The following MPIG6B variants were observed in gnomAD, a reference collection of about 807,000 sequenced individuals.
The protein encoded by MPIG6B is megakaryocyte and platelet inhibitory receptor G6b, also known as immunoglobulin receptor.
MPIG6B carries 22 observed loss-of-function variants against 24.2 expected under a neutral mutation model. The ratio of observed to expected loss-of-function variants is 0.91; its 90% CI spans 0.65 to 1.30. MPIG6B has a LOEUF of 1.30. Among genes scored for constraint, MPIG6B ranks in the 50% most tolerant of loss-of-function variants. The pLI, the probability that MPIG6B is intolerant of heterozygous loss-of-function variation, is 0.00. For missense variants in MPIG6B, 301 were observed against 318.5 expected, an observed-to-expected ratio of 0.94 and a Z score of 0.42; for synonymous variants, 136 against 142.0, an observed-to-expected ratio of 0.96 and a Z score of 0.30.
chr6:31,724,947 T>C (rs773426965), intron 5 of MPIG6B, 23 bp from the exon 6 acceptor site: 9 of 1,611,904 alleles, frequency 5.6e-6, no homozygotes, highest in Non-Finnish European at 7.6e-6. Context: ...GACCATCTTG[T>C]CTTCCTCCCC....
chr6:31,723,125 G>A, upstream of MPIG6B: 2 of 564,236 alleles, frequency 3.5e-6, no homozygotes, highest in East Asian at 6.1e-5. This position sits in a 1 kb window ranked among gnomAD's most constrained non-coding sequence, Gnocchi z 4.3. Context: ...TGGGATTACA[G>A]GCGCACCTGA....
In MPIG6B at chr6:31,724,128, C is replaced by G. The variant is rs377294775; in HGVS notation, c.410-14C>G. ...CTGACCTCAGCATCCCTCCCCGCCA[C>G]GCCTTTCCCCCAGGGTCCGTGTATC... On this transcript the variant is annotated splice_polypyrimidine_tract_variant and intron_variant, in intron 2 of 5. Transcript: ENST00000649779. The G allele has an allele frequency of 1.2e-5, 20 of 1,609,858 alleles. No homozygotes were observed. The highest frequency in any genetic ancestry group is 1.7e-5 in the Non-Finnish European group (20 of 1,177,568).
upstream of MPIG6B, among the ~76,000 whole-genome samples, chr6:31,722,611 C>T (rs1806875485): frequency 6.6e-6 from 1 of 152,064 alleles, no homozygotes; most frequent in African/African-American, 2.4e-5. Flanking sequence ...AATCTCAGCA[C>T]TTTGGGAGGC....
At position 31,725,865 on chromosome 6, in the gene MPIG6B, G is replaced by A. The variant is rs1807325276; in HGVS notation, c.*791G>A. On this transcript the variant is annotated 3_prime_UTR_variant, in exon 6 of 6. Coordinates refer to ENST00000649779, the MANE Select transcript of MPIG6B (RefSeq NM_138272.3). The surrounding 1 kb of genome is among the most constrained non-coding windows in gnomAD (Gnocchi z 5.2). ...TTCCACTTAGACATTCTGCCTGACTGACCTCAGGCATTTCGCACTCTGAAT... is the reference window on the plus strand; with the variant it reads ...TTCCACTTAGACATTCTGCCTGACTAACCTCAGGCATTTCGCACTCTGAAT... The A allele has an allele frequency of 6.6e-6, 1 of 152,294 alleles. No homozygotes were observed. The highest frequency in any genetic ancestry group is 1.5e-5 in the Non-Finnish European group (1 of 68,044). 9.4% of individuals were successfully genotyped at this position (152,294 alleles called of 1,614,324 possible).
rs2151297717 is a variant in MPIG6B, at chr6:31,723,511, A to AGGG, written c.61+68_61+70dup. ...TGAAGCAAGATAAGGGCCGCCTAGT[A>AGGG]GGGTGGGTTGTGTGTGGGAAGATCC... is the stretch of plus-strand genomic sequence containing the variant. On this transcript the variant is annotated intron_variant, in intron 1 of 5. Coordinates refer to ENST00000649779, the MANE Select transcript of MPIG6B (RefSeq NM_138272.3). This position sits in a 1 kb window ranked among gnomAD's most constrained non-coding sequence, Gnocchi z 4.3. 2 of 1,497,224 alleles carry AGGG rather than the reference A, an allele frequency of 1.3e-6. No individual in the cohort carries two copies. Among genetic ancestry groups the AGGG allele is most frequent in the Admixed American group, 3.4e-5 (2 of 58,522 alleles). 92.7% of individuals were successfully genotyped at this position (1,497,224 alleles called of 1,614,324 possible).
chr6:31,721,165 C>A, upstream of MPIG6B: 1 of 164,000 alleles, frequency 6.1e-6, no homozygotes, highest in Non-Finnish European at 1.3e-5. Context: ...ACATGTGAGT[C>A]CCTGATGGAG....
upstream of MPIG6B, chr6:31,721,861 T>A (rs1395476540): frequency 1.6e-6 from 1 of 640,732 alleles, no homozygotes. Context: ...AGACAAGGGG[T>A]GGGAAGGCAC....
Position 31,725,330 on chromosome 6 carries a change from C to CTT in MPIG6B, c.*271_*272dup, listed in dbSNP as rs35125371. On this transcript the variant is annotated 3_prime_UTR_variant, in exon 6 of 6. Coordinates refer to ENST00000649779, the MANE Select transcript of MPIG6B (RefSeq NM_138272.3). This position sits in a 1 kb window ranked among gnomAD's most constrained non-coding sequence, Gnocchi z 5.2. Reference sequence around the variant, plus strand: ...TCTATACCCAATCAAGCCCTAGCTCCTTTTTTTTTTTTTTTTGAGACGGAG... The same window carrying CTT: ...TCTATACCCAATCAAGCCCTAGCTCCTTTTTTTTTTTTTTTTTTGAGACGGAG... 3.1e-3 allele frequency: 1,022 copies of CTT among 331,764 alleles called. No individual in the cohort carries two copies. The highest frequency in any genetic ancestry group is 6.2e-3 in the Middle Eastern group (8 of 1,284). 20.6% of individuals were successfully genotyped at this position (331,764 alleles called of 1,614,324 possible).
At chr6:31,724,898 C>CAA (rs28383872) in intron 5 of MPIG6B, 54 bp downstream of exon 5, 184 of 1,305,620 alleles carry the variant, frequency 1.4e-4, no homozygotes, top group Non-Finnish European at 1.6e-4. Context: ...GAAAATGGAC[C>CAA]AAAAAAAAAA....
upstream of MPIG6B, chr6:31,723,191 A>G (rs1174236102): frequency 1.6e-6 from 1 of 629,384 alleles, no homozygotes; most frequent in African/African-American, 1.8e-5. The surrounding 1 kb of genome is among the most constrained non-coding windows in gnomAD (Gnocchi z 4.3). Context: ...ATTTTAAGTG[A>G]GAACCATTTG....
upstream of MPIG6B, among the ~76,000 whole-genome samples, chr6:31,722,102 G>A (rs537569735): frequency 1.2e-4 from 19 of 152,328 alleles, no homozygotes; most frequent in African/African-American, 4.1e-4. Flanking sequence ...ACAAAAGGAT[G>A]TGGCCCAAAT....
At chr6:31,720,745 T>G (rs1047525129), upstream of MPIG6B, among the ~76,000 whole-genome samples, 2 of 152,134 alleles carry the variant, frequency 1.3e-5, no homozygotes, top group Non-Finnish European at 2.9e-5. This position sits in a 1 kb window ranked among gnomAD's most constrained non-coding sequence, Gnocchi z 4.9. Flanking sequence ...CAGACCTGAA[T>G]AGAATCCTCT....
upstream of MPIG6B, among the ~76,000 whole-genome samples, chr6:31,721,288 G>A (rs1806766352): frequency 6.6e-6 from 1 of 152,146 alleles, no homozygotes; most frequent in Non-Finnish European, 1.5e-5. Flanking sequence ...CTAGACTCTG[G>A]AGAGTTGCAT....
In MPIG6B at chr6:31,724,860, T is replaced by C. The variant is rs1252040803; in HGVS notation, c.621+16T>C. On this transcript the variant is annotated intron_variant, in intron 5 of 5. Coordinates refer to ENST00000649779, the MANE Select transcript of MPIG6B (RefSeq NM_138272.3). ...CCAGGAACCGGTAAGGGCATGGGGA[T>C]GGGAAGGGGATAGCCAGAATCTCTG... is the stretch of plus-strand genomic sequence containing the variant. The C allele has an allele frequency of 6.2e-7, 1 of 1,611,102 alleles. No homozygotes were observed. The highest frequency in any genetic ancestry group is 2.2e-5 in the East Asian group (1 of 44,772).
At chr6:31,721,898 A>T (rs1447225875), upstream of MPIG6B, 3 of 530,706 alleles carry the variant, frequency 5.7e-6, no homozygotes, top group African/African-American at 3.8e-5. Flanking sequence ...GGGAGTAGGG[A>T]TGGGAGAGAG....
In MPIG6B at chr6:31,723,527, G is replaced by T; in HGVS notation, c.61+83G>T. On this transcript the variant is annotated intron_variant, in intron 1 of 5. Transcript: ENST00000649779. The surrounding 1 kb of genome is among the most constrained non-coding windows in gnomAD (Gnocchi z 4.3). ...CCGCCTAGTAGGGTGGGTTGTGTGT[G>T]GGAAGATCCAGGATGGCTGGAGTGC... is the stretch of plus-strand genomic sequence containing the variant. 3 of 1,464,620 alleles carry T rather than the reference G, an allele frequency of 2.0e-6. No individual in the cohort carries two copies. Among genetic ancestry groups the T allele is most frequent in the East Asian group, 2.3e-5 (1 of 43,988 alleles). The allele number at this position is 1,464,620 out of a possible 1,614,324, so 90.7% of individuals were successfully genotyped here. A position where few individuals can be genotyped will look rare whatever the true frequency, so the allele number is the denominator to read the frequency against.
At chr6:31,721,620 G>A, upstream of MPIG6B, 2 of 1,613,552 alleles carry the variant, frequency 1.2e-6, no homozygotes, top group Non-Finnish European at 1.7e-6. Flanking sequence ...GGGCCCCCAG[G>A]TGCTCACCTG....
chr6:31,723,572 G>T lies in MPIG6B; in HGVS notation c.62-67G>T, dbSNP rs1806999204. The T allele has an allele frequency of 1.4e-6, 2 of 1,431,860 alleles. No individual in the cohort carries two copies. 88.7% of individuals were successfully genotyped at this position (1,431,860 alleles called of 1,614,324 possible). On this transcript the variant is annotated intron_variant, in intron 1 of 5. Transcript: ENST00000649779. This position sits in a 1 kb window ranked among gnomAD's most constrained non-coding sequence, Gnocchi z 4.3. ...GAGTGCAGAACAGAGAAGAGAAAGAGGAGACGGGATGGAGGGTCGTCTTGC... is the reference window on the plus strand; with the variant it reads ...GAGTGCAGAACAGAGAAGAGAAAGATGAGACGGGATGGAGGGTCGTCTTGC...
rs1409432158 is a variant in MPIG6B at position 31,723,590 on chromosome 6, C to T, written c.62-49C>T. The T allele has an allele frequency of 4.8e-6, 7 of 1,458,898 alleles. No homozygotes were observed. Among genetic ancestry groups the T allele is most frequent in the Non-Finnish European group, 6.5e-6 (7 of 1,074,674 alleles). 90.4% of individuals were successfully genotyped at this position (1,458,898 alleles called of 1,614,324 possible). A position where few individuals can be genotyped will look rare whatever the true frequency, so the allele number is the denominator to read the frequency against. On this transcript the variant is annotated intron_variant, in intron 1 of 5. Transcript: ENST00000649779. The surrounding 1 kb of genome is among the most constrained non-coding windows in gnomAD (Gnocchi z 4.3). ...AGAAAGAGGAGACGGGATGGAGGGTCGTCTTGCCCTGTGGACGTGCCCTAA... is the reference window on the plus strand; with the variant it reads ...AGAAAGAGGAGACGGGATGGAGGGTTGTCTTGCCCTGTGGACGTGCCCTAA...
Sources: gnomAD v4.1 joint callset for allele counts (sites outside exome capture counted in the v4.1 genomes callset) on GRCh38, gnomAD v4.1.1 for gene constraint, Gnocchi (gnomAD v3.1) non-coding constraint, MANE v1.5 for transcripts, NCBI Gene and HGNC (gene_info 2026-07-23, HGNC 2026-07-21) for gene names.